The following PDXDC1 variants were observed in gnomAD, a reference collection of about 807,000 sequenced individuals.
The protein encoded by PDXDC1 is pyridoxal dependent decarboxylase domain containing 1, also known as pyridoxal-dependent decarboxylase domain-containing protein 1.
A neutral mutation model predicts 100.1 loss-of-function variants in PDXDC1; 42 were observed. That is an observed-to-expected ratio of 0.42 (90% confidence interval 0.33 to 0.54). The LOEUF (loss-of-function observed/expected upper bound fraction) is 0.54, where lower values mean the gene tolerates loss of function less well. Ranked by LOEUF, PDXDC1 falls within the 20% of genes least tolerant of loss-of-function variation. PDXDC1 has a pLI of 0.10. For synonymous variants in PDXDC1, 260 were observed against 371.7 expected, an observed-to-expected ratio of 0.70 and a Z score of 3.46; for missense variants, 636 against 979.2, an observed-to-expected ratio of 0.65 and a Z score of 4.68.
rs1423670006 is a variant in PDXDC1 at position 15,128,163 on chromosome 16, C to CGCGCGGGAGGGAGGTCAGGT, written c.1400-10716_1400-10715insGCGCGGGAGGGAGGTCAGGT. 3.7e-6 allele frequency: 6 copies of CGCGCGGGAGGGAGGTCAGGT among 1,610,190 alleles called. No homozygotes were observed. In the East Asian group the frequency reaches 1.1e-4, roughly 30 times the overall value. On this transcript the variant is annotated intron_variant, in intron 16 of 16. Transcript: ENST00000535621. The stretch of plus-strand genomic sequence containing the variant: ...GCAGAGGCGCGGGAGGGAGGTCAGG[C>CGCGCGGGAGGGAGGTCAGGT]TCGCAGGGCGCCCCAACGCGGGGGC...
chr16:14,997,669 T>A, intron 1 of PDXDC1, 84 bp from the exon 2 acceptor site: 1 of 1,356,032 alleles, frequency 7.4e-7, no homozygotes, highest in African/African-American at 1.5e-5. Context: ...GAAGAAATTA[T>A]GCACTTAATT....
intron 16 of PDXDC1, chr16:15,047,489 C>T (rs763952702): frequency 6.2e-7 from 1 of 1,614,036 alleles, no homozygotes. Flanking sequence ...AGTTCATGAT[C>T]AAGGGGACCT....
chr16:15,095,872 GT>G (rs2046339567), intron 16 of PDXDC1, among the ~76,000 whole-genome samples: 1 of 149,410 alleles, frequency 6.7e-6, no homozygotes, highest in African/African-American at 2.4e-5. Context: ...GTGTGTGTGT[GT>G]GTGTGTGTGT....
intron 16 of PDXDC1, chr16:15,072,876 A>G: frequency 4.7e-6 from 7 of 1,474,418 alleles, no homozygotes; most frequent in Admixed American, 1.8e-5. Context: ...GTCTCCGTCC[A>G]CCCCAGTTTT....
chr16:14,987,718 TCTC>T (rs1969705953), intron 1 of PDXDC1, among the ~76,000 whole-genome samples: 1 of 152,282 alleles, frequency 6.6e-6, no homozygotes, highest in Non-Finnish European at 1.5e-5. Context: ...TTCAAGCAGT[TCTC>T]CTGCCTCAGT....
chr16:15,066,401 G>C (rs538013753), intron 16 of PDXDC1, among the ~76,000 whole-genome samples: 8 of 152,246 alleles, frequency 5.3e-5, no homozygotes, highest in Admixed American at 2.6e-4. Context: ...GGGAGGTTGA[G>C]GCAGGCGGTT....
chr16:15,028,336 C>T (rs1188034277), intron 14 of PDXDC1, among the ~76,000 whole-genome samples: 2 of 152,302 alleles, frequency 1.3e-5, no homozygotes, highest in African/African-American at 2.4e-5. Context: ...CCTTCCCTGC[C>T]TATCGTGCCT....
chr16:14,981,295 C>T (rs1967922341), intron 1 of PDXDC1, among the ~76,000 whole-genome samples: 1 of 152,282 alleles, frequency 6.6e-6, no homozygotes, highest in South Asian at 2.1e-4. Context: ...TTTGATCGCT[C>T]CCTAACAATC....
At chr16:15,076,317 A>C in intron 16 of PDXDC1, 1 of 596,454 alleles carries the variant, frequency 1.7e-6, no homozygotes, top group East Asian at 2.7e-5. Context: ...CAAACACTGA[A>C]AGTTACAAGA....
rs1241270895 is a variant in PDXDC1, at chr16:15,037,399, C to G, written c.*1124C>G. 1 of 152,042 alleles carries G rather than the reference C, an allele frequency of 6.6e-6. No homozygotes were observed. Among genetic ancestry groups the G allele is most frequent in the Admixed American group, 6.6e-5 (1 of 15,256 alleles). 9.4% of individuals were successfully genotyped at this position (152,042 alleles called of 1,614,324 possible). A position where few individuals can be genotyped will look rare whatever the true frequency, so the allele number is the denominator to read the frequency against. On this transcript the variant is annotated 3_prime_UTR_variant, in exon 23 of 23. Transcript: ENST00000396410. ...GTTTCTGGACTGTAGTATTGGAAGCCTTAGTTATAGTATATTAAGCCTATA... is the reference window on the plus strand; with the variant it reads ...GTTTCTGGACTGTAGTATTGGAAGCGTTAGTTATAGTATATTAAGCCTATA...
At chr16:15,072,204 C>G (rs562925184) in intron 16 of PDXDC1, among the ~76,000 whole-genome samples, 1 of 148,132 alleles carries the variant, frequency 6.8e-6, no homozygotes, top group African/African-American at 2.5e-5. Context: ...GCCACAAAAT[C>G]GTTGCAGAGA....
Position 15,008,789 on chromosome 16 carries a change from C to A in PDXDC1, c.590C>A (p.Pro197His). 6.2e-7 allele frequency: 1 copy of A among 1,613,888 alleles called. No individual in the cohort carries two copies. The highest frequency in any genetic ancestry group is 2.2e-5 in the East Asian group (1 of 44,852). Reference sequence around the variant, plus strand: ...TGTTTCTTCCTGCAGCTCGGCTTGCCCTTCCCCTGCTTGTGCCGTGTACCC... The same window carrying A: ...TGTTTCTTCCTGCAGCTCGGCTTGCACTTCCCCTGCTTGTGCCGTGTACCC... ...GQYLCNQLGL[P>H]FPCLCRVPCN... Residue 197 changes from proline (P) to histidine (H), a missense_variant, in exon 7 of 23, where the codon CCC becomes CAC. Coordinates refer to ENST00000396410, the MANE Select transcript of PDXDC1 (RefSeq NM_015027.4).
chr16:15,143,295 G>A (rs1598296152), downstream of PDXDC1, among the ~76,000 whole-genome samples: 1 of 152,244 alleles, frequency 6.6e-6, no homozygotes, highest in African/African-American at 2.4e-5. Flanking sequence ...CAGCACCCTT[G>A]CCAATCCTGG....
At position 15,020,857 on chromosome 16, in the gene PDXDC1, G is replaced by A. The variant is rs1254082016; in HGVS notation, c.1090-1847G>A. Among the ~76,000 whole-genome samples the A allele has an allele frequency of 5.3e-5, 8 of 152,334 alleles. No individual in the cohort carries two copies. The South Asian group carries it at 6.2e-4, about 12-fold the overall frequency. On this transcript the variant is annotated intron_variant, in intron 12 of 22. Transcript: ENST00000396410. ...AAATTAGCCAGGTATGGTGGCAGGCGCCTGTAGTCCCAGCTACTCAGGAGG... is the reference window on the plus strand; with the variant it reads ...AAATTAGCCAGGTATGGTGGCAGGCACCTGTAGTCCCAGCTACTCAGGAGG...
intron 16 of PDXDC1, among the ~76,000 whole-genome samples, chr16:15,064,536 C>T (rs1053205650): frequency 2.4e-4 from 36 of 152,160 alleles, no homozygotes; most frequent in African/African-American, 8.7e-4. Flanking sequence ...GAGGAAGGAA[C>T]AAGACACTTG....
intron 12 of PDXDC1, among the ~76,000 whole-genome samples, chr16:15,020,848 G>A (rs1291028725): frequency 1.3e-5 from 2 of 152,262 alleles, no homozygotes; most frequent in South Asian, 4.1e-4. Context: ...GCCAGGTATG[G>A]TGGCAGGCGC....
intron 16 of PDXDC1, among the ~76,000 whole-genome samples, chr16:15,053,012 T>C (rs1006008223): frequency 3.9e-5 from 6 of 152,180 alleles, no homozygotes; most frequent in African/African-American, 1.4e-4. Flanking sequence ...CATGCTGGGA[T>C]GGCCACCGTC....
intron 16 of PDXDC1, among the ~76,000 whole-genome samples, chr16:15,089,325 G>C (rs1339934513): frequency 6.6e-6 from 1 of 151,980 alleles, no homozygotes; most frequent in East Asian, 1.9e-4. Flanking sequence ...AATAAGTCTG[G>C]AGCCCACAAG....
At chr16:14,983,242 T>G (rs1348687041) in intron 1 of PDXDC1, among the ~76,000 whole-genome samples, 1 of 152,276 alleles carries the variant, frequency 6.6e-6, no homozygotes, top group East Asian at 1.9e-4. Context: ...AAAAATAAAT[T>G]TTAGACTTTC....
Sources: allele counts gnomAD v4.1 joint callset (sites outside exome capture counted in the v4.1 genomes callset), GRCh38; gene constraint gnomAD v4.1.1; transcripts MANE v1.5; gene names NCBI Gene and HGNC (gene_info 2026-07-23, HGNC 2026-07-21).